ANTXR2: variants seen among roughly 807,000 people sequenced by gnomAD.
ANTXR2 encodes anthrax toxin receptor 2.
Under a neutral mutation model 73.7 loss-of-function variants are expected in ANTXR2, and 44 were observed. That is an observed-to-expected ratio of 0.60 (90% CI 0.47 to 0.77). The LOEUF (loss-of-function observed/expected upper bound fraction) is 0.77. Ranked by LOEUF, ANTXR2 falls within the 30% of genes least tolerant of loss-of-function variation. The pLI is 0.00. For missense variants in ANTXR2, 604 were observed against 592.5 expected (o/e 1.02, Z -0.20); for synonymous variants, 217 against 205.9 (o/e 1.05, Z -0.46).
chr4:80,036,155 C>G (rs1473750307), intron 7 of ANTXR2, 123 bp from the exon 8 acceptor site: 2 of 779,534 alleles, frequency 2.6e-6, no homozygotes, highest in Non-Finnish European at 4.0e-6. Flanking sequence ...CAGAGAAAAT[C>G]TATTAACTAT....
chr4:79,975,974 A>G (rs1307414610), intron 16 of ANTXR2, among the ~76,000 whole-genome samples: 4 of 145,982 alleles, frequency 2.7e-5, no homozygotes, highest in Non-Finnish European at 5.9e-5. Context: ...GTGCAGTGGC[A>G]AGATCTCGGC....
At chr4:80,010,805 T>C (rs953528151) in intron 11 of ANTXR2, among the ~76,000 whole-genome samples, 2 of 151,816 alleles carry the variant, frequency 1.3e-5, no homozygotes, top group Non-Finnish European at 2.9e-5. Flanking sequence ...AAATATAATT[T>C]ATTATTACAA....
At chr4:80,055,017 C>A in intron 6 of ANTXR2, 133 bp downstream of exon 6, 1 of 778,778 alleles carries the variant, frequency 1.3e-6, no homozygotes, top group Non-Finnish European at 2.0e-6. Flanking sequence ...TACTCAAAAC[C>A]TACAGCCATT....
intron 16 of ANTXR2, among the ~76,000 whole-genome samples, chr4:79,964,258 T>C (rs1729261137): frequency 6.6e-6 from 1 of 152,254 alleles, no homozygotes; most frequent in Non-Finnish European, 1.5e-5. Flanking sequence ...AAACTAGTGC[T>C]GCGCTTTCTT....
At chr4:80,069,930 G>A (rs563421535) in intron 2 of ANTXR2, among the ~76,000 whole-genome samples, 3 of 152,268 alleles carry the variant, frequency 2.0e-5, no homozygotes, top group African/African-American at 7.2e-5. Flanking sequence ...CCATAACTAT[G>A]ATATGAGTCT....
At chr4:80,048,146 CATAACT>C (rs1476920795) in intron 7 of ANTXR2, among the ~76,000 whole-genome samples, 1 of 149,918 alleles carries the variant, frequency 6.7e-6, no homozygotes, top group East Asian at 2.0e-4. Flanking sequence ...TCCAATATAC[CATAACT>C]ATATTATAAA....
chr4:80,027,614 T>C (rs1044474185), intron 10 of ANTXR2, among the ~76,000 whole-genome samples: 1 of 152,194 alleles, frequency 6.6e-6, no homozygotes, highest in African/African-American at 2.4e-5. Context: ...CCAATGTTTT[T>C]GAAAGCACAT....
intron 16 of ANTXR2, among the ~76,000 whole-genome samples, chr4:79,973,370 T>C (rs1177578259): frequency 6.6e-6 from 1 of 150,704 alleles, no homozygotes; most frequent in Non-Finnish European, 1.5e-5. Context: ...TGGGAGTTAA[T>C]TTTATGAAAT....
chr4:79,994,855 A>G (rs1730649688), intron 12 of ANTXR2, among the ~76,000 whole-genome samples: 1 of 152,020 alleles, frequency 6.6e-6, no homozygotes, highest in African/African-American at 2.4e-5. Flanking sequence ...TTTGCAGCAC[A>G]TAAACATGAG....
In ANTXR2 at chr4:80,071,490, G is replaced by T; in HGVS notation, c.224+93C>A. On this transcript the variant is annotated intron_variant, in intron 2 of 16. Coordinates refer to ENST00000403729, the MANE Select transcript of ANTXR2 (RefSeq NM_058172.6). ...GAGGCACTTAAAAGTAACATTTCAG[G>T]AAAAGTTTTTCCTATAAAAGGTTTC... 3 of 1,062,616 alleles carry T rather than the reference G, an allele frequency of 2.8e-6. No individual in the cohort carries two copies. In the East Asian group the frequency reaches 7.3e-5, roughly 26 times the overall value. The allele number at this position is 1,062,616 out of a possible 1,614,324, so 65.8% of individuals were successfully genotyped here. A position where few individuals can be genotyped will look rare whatever the true frequency, so the allele number is the denominator to read the frequency against.
At chr4:80,054,469 C>T in intron 6 of ANTXR2, 117 bp from the exon 7 acceptor site, 1 of 698,850 alleles carries the variant, frequency 1.4e-6, no homozygotes, top group African/African-American at 1.8e-5. Context: ...ATTAATTTAC[C>T]AGCGTGATCT....
At chr4:80,039,741 A>T (rs571992259) in intron 7 of ANTXR2, among the ~76,000 whole-genome samples, 1 of 152,202 alleles carries the variant, frequency 6.6e-6, no homozygotes, top group African/African-American at 2.4e-5. Flanking sequence ...AAAGAACTTA[A>T]AACTGTTATT....
chr4:79,983,084 C>T (rs1386999971), intron 14 of ANTXR2, among the ~76,000 whole-genome samples: 2 of 152,020 alleles, frequency 1.3e-5, no homozygotes, highest in African/African-American at 4.8e-5. Flanking sequence ...GCATAAAACA[C>T]ATTCTAATCA....
At position 79,907,461 on chromosome 4, in the gene ANTXR2, A is replaced by G. The variant is rs1578071809; in HGVS notation, c.1435T>C (p.Cys479Arg). 1 of 1,613,118 alleles carries G rather than the reference A, an allele frequency of 6.2e-7. No homozygotes were observed. The highest frequency in any genetic ancestry group is 2.2e-5 in the East Asian group (1 of 44,814). ...MRPQEGDEGR[C>R]INFSRVPSQ ...GATGGAACTCGGGAGAAGTTTATGC[A>G]CCGGCCCTGAAGAAAGAAATAAATC... is the stretch of plus-strand genomic sequence containing the variant. The change falls in exon 17 of 17, where the codon TGC (cysteine) becomes CGC (arginine). Residue 479 changes from cysteine (C) to arginine (R), a missense_variant. Cys to Arg is a radical substitution (Grantham distance 180, BLOSUM62 -3). Transcript: ENST00000403729.
chr4:79,961,780 G>A (rs1422874191), intron 16 of ANTXR2, among the ~76,000 whole-genome samples: 2 of 152,096 alleles, frequency 1.3e-5, no homozygotes, highest in Non-Finnish European at 2.9e-5. Flanking sequence ...TGATGATGAT[G>A]AAAAGAAGTT....
At chr4:80,031,764 C>T (rs962744192) in intron 9 of ANTXR2, 72 bp from the exon 10 acceptor site, 1 of 848,084 alleles carries the variant, frequency 1.2e-6, no homozygotes, top group Non-Finnish European at 1.7e-6. Flanking sequence ...ATAATATGAA[C>T]AGCATGCTTC....
At chr4:79,984,896 T>C (rs1216535747) in intron 12 of ANTXR2, 33 bp from the exon 13 acceptor site, 1 of 1,522,670 alleles carries the variant, frequency 6.6e-7, no homozygotes, top group Non-Finnish European at 9.0e-7. Flanking sequence ...AAAATTTCTA[T>C]GGCATAGAGA....
chr4:80,006,179 C>T (rs1350182569), intron 12 of ANTXR2, among the ~76,000 whole-genome samples: 1 of 152,054 alleles, frequency 6.6e-6, no homozygotes, highest in East Asian at 1.9e-4. Flanking sequence ...TTTACACACG[C>T]CGCTATTAGG....
intron 7 of ANTXR2, among the ~76,000 whole-genome samples, chr4:80,041,308 A>G (rs1385085308): frequency 6.6e-6 from 1 of 152,000 alleles, no homozygotes; most frequent in African/African-American, 2.4e-5. Context: ...ACTCTTAACA[A>G]ACTAGTGAAA....
Sources: allele counts gnomAD v4.1 joint callset (sites outside exome capture counted in the v4.1 genomes callset), GRCh38; gene constraint gnomAD v4.1.1; transcripts MANE v1.5; gene names NCBI Gene and HGNC (gene_info 2026-07-23, HGNC 2026-07-21).